The following PIGQ variants were observed in gnomAD, a reference collection of about 807,000 sequenced individuals.
PIGQ encodes phosphatidylinositol N-acetylglucosaminyltransferase subunit Q.
Under a neutral mutation model 60.3 loss-of-function variants are expected in PIGQ, and 54 were observed. That is an observed-to-expected ratio of 0.90 (90% CI 0.72 to 1.12). The LOEUF is 1.12. Among genes scored for constraint, PIGQ ranks in the 50% most tolerant of loss-of-function variants. PIGQ has a pLI of 0.00. For synonymous variants in PIGQ, 416 were observed against 363.7 expected (o/e 1.14, Z -1.64); for missense variants, 799 against 793.5 (o/e 1.01, Z -0.08).
At chr16:579,310 T>G (rs2151047781) in intron 7 of PIGQ, 130 bp downstream of exon 7, 1 of 685,792 alleles carries the variant, frequency 1.5e-6, no homozygotes. Context: ...GCACAGGCCC[T>G]GGGAATAGAT....
Position 574,308 on chromosome 16 carries a change from CCGCTTCCTGGAGAGCCTGGGT to C in PIGQ, c.235_255del (p.Arg79_Gly85del). 2 of 1,606,254 alleles carry C rather than the reference CCGCTTCCTGGAGAGCCTGGGT, an allele frequency of 1.2e-6. No homozygotes were observed. Reference sequence around the variant, plus strand: ...GGCAGGAGCCCGAGGAGAGCCTGGGCCGCTTCCTGGAGAGCCTGGGTGCTGTCTTCCCCCATGAGCCCTGGC... The same window carrying C: ...GGCAGGAGCCCGAGGAGAGCCTGGGCGCTGTCTTCCCCCATGAGCCCTGGC... On this transcript the variant is annotated inframe_deletion, in exon 2 of 11. Coordinates refer to ENST00000321878, the MANE Select transcript of PIGQ (RefSeq NM_004204.5).
chr16:574,637 T>A lies in PIGQ; in HGVS notation c.563T>A (p.Leu188Gln). ...CGCTTTGATGAGGGCCCCGTGCGGC[T>A]GAGCCACTGGCAGTCGGAGGGCGTG... ...SDRFDEGPVR[L>Q]SHWQSEGVEA... Residue 188 changes from leucine (L) to glutamine (Q), a missense_variant, in exon 2 of 11, where the codon CTG (leucine) becomes CAG (glutamine). Physicochemically the swap from Leu to Gln is moderately radical, Grantham distance 113 (BLOSUM62 -2). Transcript: ENST00000321878. 6.2e-7 allele frequency: 1 copy of A among 1,607,974 alleles called. No individual in the cohort carries two copies. The highest frequency in any genetic ancestry group is 1.1e-5 in the South Asian group (1 of 90,196).
chr16:570,250 C>G (rs2035599149), intron 1 of PIGQ, 154 bp downstream of exon 1: 2 of 151,984 alleles, frequency 1.3e-5, no homozygotes, highest in Non-Finnish European at 2.9e-5. Context: ...GACCTGGGCC[C>G]CTGTGGACCC....
At chr16:570,936 T>C (rs967727404) in intron 1 of PIGQ, among the ~76,000 whole-genome samples, 3 of 152,250 alleles carry the variant, frequency 2.0e-5, no homozygotes, top group Non-Finnish European at 4.4e-5. Context: ...GTCTTACTAC[T>C]TTATATGGTC....
intron 7 of PIGQ, 191 bp downstream of exon 7, chr16:579,371 C>G: frequency 1.7e-6 from 1 of 603,254 alleles, no homozygotes; most frequent in Non-Finnish European, 3.0e-6. Context: ...GCAGAGCTTC[C>G]CTGGGCCACA....
rs778834598 is a variant in PIGQ at position 574,633 on chromosome 16, C to T, written c.559C>T (p.Arg187Trp). The T allele has an allele frequency of 9.3e-6, 15 of 1,606,928 alleles. No homozygotes were observed. Among genetic ancestry groups the T allele is most frequent in the East Asian group, 4.5e-5 (2 of 44,636 alleles). The change falls in exon 2 of 11, where the codon CGG (arginine) becomes TGG (tryptophan). Residue 187 changes from arginine (R) to tryptophan (W), a missense_variant. Coordinates refer to ENST00000321878, the MANE Select transcript of PIGQ (RefSeq NM_004204.5). ...RSDRFDEGPV[R>W]LSHWQSEGVE... is the part of the protein sequence containing the mutation. Reference sequence around the variant, plus strand: ...TGACCGCTTTGATGAGGGCCCCGTGCGGCTGAGCCACTGGCAGTCGGAGGG... The same window carrying T: ...TGACCGCTTTGATGAGGGCCCCGTGTGGCTGAGCCACTGGCAGTCGGAGGG...
intron 1 of PIGQ, among the ~76,000 whole-genome samples, chr16:573,787 A>T (rs2035670630): frequency 6.6e-6 from 1 of 152,110 alleles, no homozygotes; most frequent in African/African-American, 2.4e-5. Flanking sequence ...ATGGGAGGGC[A>T]GGCCTGGTGG....
chr16:579,976 A>G, intron 7 of PIGQ: 1 of 465,686 alleles, frequency 2.1e-6, no homozygotes, highest in South Asian at 4.1e-5. Context: ...TCTGGCCCCC[A>G]CCTGTCTCCC....
chr16:578,493 C>T lies in PIGQ; in HGVS notation c.1057C>T (p.His353Tyr), dbSNP rs2035757016. 6.2e-7 allele frequency: 1 copy of T among 1,612,538 alleles called. No homozygotes were observed. Among genetic ancestry groups the T allele is most frequent in the Non-Finnish European group, 8.5e-7 (1 of 1,179,836 alleles). The change falls in exon 5 of 11, where the codon CAC (histidine) becomes TAC (tyrosine). Residue 353 changes from histidine to tyrosine, a missense_variant. Physicochemically the swap from His to Tyr is moderately conservative, Grantham distance 83 (BLOSUM62 2). Coordinates refer to ENST00000321878, the MANE Select transcript of PIGQ (RefSeq NM_004204.5). ...GGGCCGCTTCTTCCTCTACCACATC[C>T]ACCTGTGGATCAGTGAGTGCAGGGC... is the stretch of plus-strand genomic sequence containing the variant. Reference protein sequence around the residue: ...VLGRFFLYHIHLWISYIHLMS... With the variant: ...VLGRFFLYHIYLWISYIHLMS...
rs57125048 is a variant in PIGQ, at chr16:580,172, C to T, written c.1336-11C>T. The T allele has an allele frequency of 1.2e-6, 2 of 1,606,884 alleles. No individual in the cohort carries two copies. The highest frequency in any genetic ancestry group is 8.5e-7 in the Non-Finnish European group (1 of 1,175,770). The stretch of plus-strand genomic sequence containing the variant: ...CCTGCTGATGCCCGGTGTGCTGGCC[C>T]CTCCCTACAGCTGTTCATCGGGACT... On this transcript the variant is annotated splice_polypyrimidine_tract_variant and intron_variant, in intron 7 of 10. Coordinates refer to ENST00000321878, the MANE Select transcript of PIGQ (RefSeq NM_004204.5).
intron 3 of PIGQ, 28 bp downstream of exon 3, chr16:575,998 G>A (rs1373251182): frequency 1.1e-5 from 17 of 1,567,990 alleles, no homozygotes; most frequent in Non-Finnish European, 1.4e-5. Context: ...TCTCTGCAGG[G>A]CTGGGTGCGT....
chr16:583,324 G>A lies in PIGQ; in HGVS notation c.*289G>A. 6.2e-7 allele frequency: 1 copy of A among 1,612,572 alleles called. No individual in the cohort carries two copies. Among genetic ancestry groups the A allele is most frequent in the Non-Finnish European group, 8.5e-7 (1 of 1,179,762 alleles). Reference sequence around the variant, plus strand: ...GGTGGCGAGCACAGCAACCCCAGGTGTCCAGAGCACTGCCCCATGCCCACC... The same window carrying A: ...GGTGGCGAGCACAGCAACCCCAGGTATCCAGAGCACTGCCCCATGCCCACC... On this transcript the variant is annotated 3_prime_UTR_variant, in exon 11 of 11. Coordinates refer to ENST00000321878, the MANE Select transcript of PIGQ (RefSeq NM_004204.5).
chr16:570,963 T>C (rs529133380), intron 1 of PIGQ, among the ~76,000 whole-genome samples: 23 of 152,232 alleles, frequency 1.5e-4, no homozygotes, highest in African/African-American at 5.1e-4. Flanking sequence ...CCTACCTGCC[T>C]GGTCTGGGAA....
At chr16:581,227 A>G (rs1265087557) in intron 9 of PIGQ, 1 of 1,424,190 alleles carries the variant, frequency 7.0e-7, no homozygotes, top group East Asian at 3.1e-5. Context: ...CTGAGGCCAC[A>G]GGCCTTTGTT....
chr16:573,182 T>G (rs2035662907), intron 1 of PIGQ, among the ~76,000 whole-genome samples: 1 of 152,204 alleles, frequency 6.6e-6, no homozygotes, highest in South Asian at 2.1e-4. Flanking sequence ...GGCTTCCTAC[T>G]CAACAGCCAC....
intron 1 of PIGQ, chr16:570,681 C>T (rs960386662): frequency 7.2e-5 from 11 of 152,412 alleles, no homozygotes; most frequent in African/African-American, 2.6e-4. Context: ...CGAGGCTGGT[C>T]TTAAGCTCCT....
At chr16:582,553 G>A in intron 10 of PIGQ, 1 of 570,532 alleles carries the variant, frequency 1.8e-6, no homozygotes, top group Non-Finnish European at 3.1e-6. Flanking sequence ...GCCCTTGGCT[G>A]GCTGGGGCTG....
chr16:575,742 G>A (rs2035705191), intron 2 of PIGQ, 97 bp from the exon 3 acceptor site: 7 of 1,330,978 alleles, frequency 5.3e-6, no homozygotes, highest in Non-Finnish European at 7.2e-6. Flanking sequence ...GCTGAGCTCA[G>A]GAGTGTGGCC....
At chr16:576,434 CAGGG>C in intron 4 of PIGQ, 180 bp downstream of exon 4, 1 of 722,020 alleles carries the variant, frequency 1.4e-6, no homozygotes, top group Non-Finnish European at 2.2e-6. Flanking sequence ...GGGGCCTGGG[CAGGG>C]CAGGCCTCGC....
Sources: gnomAD v4.1 joint callset for allele counts (sites outside exome capture counted in the v4.1 genomes callset) on GRCh38, gnomAD v4.1.1 for gene constraint, MANE v1.5 for transcripts, NCBI Gene and HGNC (gene_info 2026-07-23, HGNC 2026-07-21) for gene names.